RMC1: variants seen among roughly 807,000 people sequenced by gnomAD.
RMC1 encodes regulator of MON1-CCZ1.
A neutral mutation model predicts 95.5 loss-of-function variants in RMC1; 44 were observed. That is an observed-to-expected ratio of 0.46 (90% CI 0.36 to 0.59). RMC1 has a LOEUF of 0.59. Ranked by LOEUF, RMC1 falls within the 20% of genes least tolerant of loss-of-function variation. RMC1 has a pLI of 0.00. For synonymous variants in RMC1, 320 were observed against 303.6 expected (o/e 1.05, Z -0.56); for missense variants, 705 against 819.6 (o/e 0.86, Z 1.71).
At chr18:23,508,135 A>C in intron 4 of RMC1, 94 bp downstream of exon 4, 2 of 1,154,448 alleles carry the variant, frequency 1.7e-6, no homozygotes, top group Non-Finnish European at 2.4e-6. Context: ...CAGGGAGCAC[A>C]GACTTGAAGT....
At position 23,518,949 on chromosome 18, in the gene RMC1, G is replaced by T. The variant is rs773276348; in HGVS notation, c.713G>T (p.Gly238Val). Residue 238 changes from glycine (G) to valine (V), a missense_variant, in exon 8 of 20, where the codon GGA becomes GTA. Gly to Val is a moderately radical substitution (Grantham distance 109). Transcript: ENST00000269221. ...CATTCTCGGACCTCCAACAGCACAG[G>T]AGCGGAGGTGGTCCTCTATCATCTA... ...RHHSRTSNST[G>V]AEVVLYHLPR... 2 of 1,614,072 alleles carry T rather than the reference G, an allele frequency of 1.2e-6. No homozygotes were observed. The highest frequency in any genetic ancestry group is 1.7e-6 in the Non-Finnish European group (2 of 1,180,036).
chr18:23,530,260 A>C lies in RMC1; in HGVS notation c.1631A>C (p.Tyr544Ser). The part of the protein sequence containing the change: ...ACLLLSLESF[Y>S]PPAHQLSLDM... ...CTGCTGTTATCCCTAGAGAGTTTCT[A>C]TCCTCCTGCTCATCAGCTATCTCTG... The change falls in exon 18 of 20, where the codon TAT (tyrosine) becomes TCT (serine). Residue 544 changes from tyrosine to serine, a missense_variant. By Grantham distance (144) the Tyr-to-Ser change is moderately radical (BLOSUM62 -2). Transcript: ENST00000269221. The C allele has an allele frequency of 6.2e-7, 1 of 1,614,216 alleles. No individual in the cohort carries two copies. Among genetic ancestry groups the C allele is most frequent in the South Asian group, 1.1e-5 (1 of 91,084 alleles).
chr18:23,530,018 T>C lies in RMC1; in HGVS notation c.1495-10T>C, dbSNP rs1225367360. The C allele has an allele frequency of 6.2e-7, 1 of 1,607,280 alleles. No homozygotes were observed. Among genetic ancestry groups the C allele is most frequent in the Admixed American group, 1.7e-5 (1 of 59,978 alleles). On this transcript the variant is annotated splice_polypyrimidine_tract_variant and intron_variant, in intron 16 of 19. Coordinates refer to ENST00000269221, the MANE Select transcript of RMC1 (RefSeq NM_013326.5). ...GGAAGTGTTCTTTCACTTTTTACTT[T>C]TGTCCTCAGCATTACCTACATGAAC...
intron 19 of RMC1, among the ~76,000 whole-genome samples, chr18:23,531,187 T>TA (rs1252995728): frequency 6.6e-6 from 1 of 152,048 alleles, no homozygotes; most frequent in Non-Finnish European, 1.5e-5. Flanking sequence ...GATGGGGTTT[T>TA]ACTATATTGT....
rs1384466432 is a variant in RMC1 at position 23,503,618 on chromosome 18, C to T, written c.-1C>T. The T allele has an allele frequency of 7.1e-6, 11 of 1,552,980 alleles. No individual in the cohort carries two copies. Among genetic ancestry groups the T allele is most frequent in the East Asian group, 2.7e-5 (1 of 37,666 alleles). On this transcript the variant is annotated 5_prime_UTR_variant, in exon 1 of 20. Coordinates refer to ENST00000269221, the MANE Select transcript of RMC1 (RefSeq NM_013326.5). ...CCCCCGCCGCGGGCGCGGCGCCCGC[C>T]ATGGGCGAGGAGGACTACTATCTGG...
At chr18:23,520,160 C>T in intron 9 of RMC1, 42 bp from the exon 10 acceptor site, 1 of 1,488,876 alleles carries the variant, frequency 6.7e-7, no homozygotes, top group Non-Finnish European at 9.4e-7. Context: ...CTGGGCAAAC[C>T]ATGATTGATT....
Position 23,525,032 on chromosome 18 carries a change from C to T in RMC1, c.1060+550C>T, listed in dbSNP as rs59970087. On this transcript the variant is annotated intron_variant, in intron 12 of 19. Transcript: ENST00000269221. ...CGTGATCTTGGCTCACTGCAACCTC[C>T]GCCTCCCGGGTTCAAGCGATTCTCC... Among the ~76,000 whole-genome samples, 561 of 149,762 alleles carry T rather than the reference C, an allele frequency of 3.7e-3. 24 individuals are homozygous for T. The East Asian group carries it at 0.083, about 22-fold the overall frequency.
chr18:23,516,182 G>C, intron 6 of RMC1, 138 bp from the exon 7 acceptor site: 1 of 1,300,664 alleles, frequency 7.7e-7, no homozygotes, highest in East Asian at 2.3e-5. Context: ...GGGCAGACAG[G>C]CTGTGAGAGG....
rs75570971 is a variant in RMC1, at chr18:23,511,886, C to T, written c.408+2607C>T. On this transcript the variant is annotated intron_variant, in intron 5 of 19. Transcript: ENST00000269221. ...AGGTACGAACATCTGAAAAGCTGAA[C>T]CAGTATCGCCAAATTTCTTCTAGAC... Among the ~76,000 whole-genome samples the T allele has an allele frequency of 0.023, 3,494 of 152,096 alleles. 240 individuals are homozygous for T. In the East Asian group the frequency reaches 0.29, roughly 13 times the overall value.
chr18:23,512,530 C>T (rs2057889279), intron 5 of RMC1, among the ~76,000 whole-genome samples: 1 of 152,076 alleles, frequency 6.6e-6, no homozygotes, highest in South Asian at 2.1e-4. Flanking sequence ...ACGTAGTCCT[C>T]CCACCTCAGC....
At position 23,515,959 on chromosome 18, in the gene RMC1, C is replaced by T. The variant is rs1458422250; in HGVS notation, c.512C>T (p.Thr171Met). ...PESAVILLST[T>M]VLENVLQPFH... ...AGCGCCGTGATCTTGCTGTCTACCA[C>T]GGTCCTGGAGAATGTCCTGCAGCCT... The change falls in exon 6 of 20, where the codon ACG (threonine) becomes ATG (methionine). Residue 171 changes from threonine to methionine, a missense_variant. Coordinates refer to ENST00000269221, the MANE Select transcript of RMC1 (RefSeq NM_013326.5). 5 of 1,614,114 alleles carry T rather than the reference C, an allele frequency of 3.1e-6. No individual in the cohort carries two copies. Among genetic ancestry groups the T allele is most frequent in the East Asian group, 4.5e-5 (2 of 44,878 alleles).
At chr18:23,519,897 G>A (rs1053484791) in intron 9 of RMC1, among the ~76,000 whole-genome samples, 12 of 152,144 alleles carry the variant, frequency 7.9e-5, no homozygotes, top group African/African-American at 2.7e-4. Flanking sequence ...GGGTGGTGAC[G>A]CTAACTCTGT....
At chr18:23,516,197 G>C (rs942782668) in intron 6 of RMC1, 123 bp from the exon 7 acceptor site, 4 of 1,342,332 alleles carry the variant, frequency 3.0e-6, no homozygotes, top group Non-Finnish European at 4.2e-6. Context: ...GAGAGGACAT[G>C]GGGGACGGTG....
chr18:23,516,665 TGA>T (rs2058013738), intron 7 of RMC1, among the ~76,000 whole-genome samples: 1 of 152,150 alleles, frequency 6.6e-6, no homozygotes, highest in Non-Finnish European at 1.5e-5. Context: ...CTTTCTAGCC[TGA>T]TAAAACAAGA....
Position 23,503,586 on chromosome 18 carries a change from C to G in RMC1, c.-33C>G, listed in dbSNP as rs775715896. ...ATCCTGCTCCACTCTGGCGACCGCC[C>G]CCGGGGCCCCCGCCGCGGGCGCGGC... On this transcript the variant is annotated 5_prime_UTR_variant, in exon 1 of 20. Transcript: ENST00000269221. 12 of 1,522,518 alleles carry G rather than the reference C, an allele frequency of 7.9e-6. No homozygotes were observed. The Admixed American group carries it at 1.4e-4, about 18-fold the overall frequency. 94.3% of individuals were successfully genotyped at this position (1,522,518 alleles called of 1,614,324 possible).
intron 5 of RMC1, among the ~76,000 whole-genome samples, chr18:23,515,191 T>A (rs1006771452): frequency 6.6e-6 from 1 of 152,114 alleles, no homozygotes; most frequent in Admixed American, 6.6e-5. Context: ...TGCTCTTAGG[T>A]GTATCCATGT....
intron 10 of RMC1, among the ~76,000 whole-genome samples, chr18:23,521,767 T>G (rs58123042): frequency 0.014 from 2,054 of 152,126 alleles, 34 homozygotes; most frequent in African/African-American, 0.048. Context: ...GATCAAGATG[T>G]CTGCAGGTTT....
chr18:23,528,575 T>A (rs973621096), intron 14 of RMC1: 1 of 153,192 alleles, frequency 6.5e-6, no homozygotes, highest in Non-Finnish European at 1.5e-5. Flanking sequence ...GGGTAAGAGG[T>A]CTGAGACAGG....
At chr18:23,510,786 C>T (rs1326873591) in intron 5 of RMC1, among the ~76,000 whole-genome samples, 1 of 152,236 alleles carries the variant, frequency 6.6e-6, no homozygotes, top group African/African-American at 2.4e-5. Context: ...AACTATCTCA[C>T]ACTAGTCAGC....
Sources: gnomAD v4.1 joint callset for allele counts (sites outside exome capture counted in the v4.1 genomes callset) on GRCh38, gnomAD v4.1.1 for gene constraint, MANE v1.5 for transcripts, NCBI Gene and HGNC (gene_info 2026-07-23, HGNC 2026-07-21) for gene names.